SPIRE1: variants seen among roughly 807,000 people sequenced by gnomAD.
SPIRE1 encodes protein spire homolog 1.
In SPIRE1, 40 loss-of-function variants were observed where a neutral mutation model predicts 94.1. That is an observed-to-expected ratio of 0.43 (90% CI 0.33 to 0.55). SPIRE1 has a LOEUF of 0.55. Among genes scored for constraint, SPIRE1 ranks in the 20% least tolerant of loss-of-function variants. SPIRE1 has a pLI of 0.06. For missense variants in SPIRE1, 838 were observed against 975.2 expected (o/e 0.86, Z 1.87); for synonymous variants, 376 against 371.7 (o/e 1.01, Z -0.13).
chr18:12,464,994 G>A (rs4513164), intron 10 of SPIRE1, 36 bp from the exon 11 acceptor site: 1 of 1,580,982 alleles, frequency 6.3e-7, no homozygotes, highest in South Asian at 1.1e-5. Flanking sequence ...CGACTTCTTA[G>A]ACATTTGTGC....
At chr18:12,579,174 G>C (rs1230841238) in intron 2 of SPIRE1, among the ~76,000 whole-genome samples, 2 of 143,626 alleles carry the variant, frequency 1.4e-5, no homozygotes, top group African/African-American at 2.6e-5. Flanking sequence ...TTTCCACTGA[G>C]AGGAAAAAGT....
intron 2 of SPIRE1, among the ~76,000 whole-genome samples, chr18:12,572,417 G>A (rs755145059): frequency 6.6e-6 from 1 of 151,768 alleles, no homozygotes; most frequent in Non-Finnish European, 1.5e-5. Flanking sequence ...TAGGATTACA[G>A]ACATGAGCCA....
intron 1 of SPIRE1, among the ~76,000 whole-genome samples, chr18:12,639,912 C>G (rs552444884): frequency 6.6e-6 from 1 of 151,448 alleles, no homozygotes; most frequent in African/African-American, 2.4e-5. Flanking sequence ...CCTTATGTCC[C>G]AGGAAACAGA....
intron 2 of SPIRE1, among the ~76,000 whole-genome samples, chr18:12,556,038 G>GA (rs1567931033): frequency 6.6e-6 from 1 of 151,094 alleles, no homozygotes; most frequent in Admixed American, 6.6e-5. Context: ...CAAACAAGCT[G>GA]AAAAAGAAAT....
At chr18:12,622,622 C>T (rs2037508223) in intron 2 of SPIRE1, among the ~76,000 whole-genome samples, 1 of 150,468 alleles carries the variant, frequency 6.6e-6, no homozygotes, top group Non-Finnish European at 1.5e-5. Flanking sequence ...CAGGGTTTCA[C>T]TGTGTTAGCC....
At chr18:12,450,379 GGAAA>G (rs1248775590) in intron 16 of SPIRE1, 1 of 365,336 alleles carries the variant, frequency 2.7e-6, no homozygotes, top group Non-Finnish European at 5.0e-6. Context: ...AAAAAGAAAA[GGAAA>G]GAAAGCAGAA....
chr18:12,573,430 C>T (rs2036008947), intron 2 of SPIRE1, among the ~76,000 whole-genome samples: 1 of 152,164 alleles, frequency 6.6e-6, no homozygotes, highest in Non-Finnish European at 1.5e-5. Context: ...CAAAACTAAA[C>T]ACACTATTAC....
upstream of SPIRE1, among the ~76,000 whole-genome samples, chr18:12,659,139 CT>C (rs2038642249): frequency 6.6e-6 from 1 of 152,154 alleles, no homozygotes; most frequent in Non-Finnish European, 1.5e-5. Context: ...TGTGAAAGCC[CT>C]ACAGAGTGTT....
intron 2 of SPIRE1, among the ~76,000 whole-genome samples, chr18:12,561,187 G>C (rs1166474574): frequency 2.0e-5 from 3 of 151,744 alleles, no homozygotes; most frequent in Non-Finnish European, 1.5e-5. Flanking sequence ...GGCTATCTTT[G>C]AATATAGGTG....
At position 12,449,848 on chromosome 18, in the gene SPIRE1, C is replaced by A; in HGVS notation, c.2061G>T (p.Gln687His). The A allele has an allele frequency of 6.2e-7, 1 of 1,614,138 alleles. No homozygotes were observed. The highest frequency in any genetic ancestry group is 1.1e-5 in the South Asian group (1 of 91,076). ...AGTCCTCCATCAACTCTTTGGGAAA[C>A]TGGAGTTCTTCATCTGATTTGTCCA... ...KSMDKSDEELQFPKELMEDWS... is the reference protein window; with the variant it reads ...KSMDKSDEELHFPKELMEDWS... The change falls in exon 17 of 17, where the codon CAG becomes CAT. Residue 687 changes from glutamine (Q) to histidine (H), a missense_variant. Gln to His is a conservative substitution (Grantham distance 24, BLOSUM62 0). Around this residue, in one of 2 missense-constraint regions of SPIRE1, gnomAD observed 645 missense variants for 804.7 expected, o/e 0.80. Coordinates refer to ENST00000409402, the MANE Select transcript of SPIRE1 (RefSeq NM_001128626.2).
chr18:12,626,867 A>AAT lies in SPIRE1; in HGVS notation c.372+8193_372+8194dup, dbSNP rs1555634098. Among the ~76,000 whole-genome samples the AAT allele has an allele frequency of 6.2e-3, 688 of 110,428 alleles. 10 individuals carry two copies. The highest frequency in any genetic ancestry group is 0.04 in the South Asian group (116 of 2,892). 72.4% of individuals were successfully genotyped at this position (110,428 alleles called of 152,430 possible). ...GTACTTGGAATATAGTAAGCTGTAA[A>AAT]ATATATATATATATATATATTTTTT... On this transcript the variant is annotated intron_variant, in intron 2 of 16. Transcript: ENST00000409402.
chr18:12,528,321 C>G (rs1321186463), intron 4 of SPIRE1, among the ~76,000 whole-genome samples: 2 of 152,186 alleles, frequency 1.3e-5, no homozygotes, highest in African/African-American at 4.8e-5. Context: ...AACACAGTGT[C>G]ACTGTTGTAA....
rs758262450 is a variant in SPIRE1 at position 12,479,731 on chromosome 18, T to C, written c.1372A>G (p.Thr458Ala). ...AQRKKLLRAP[T>A]LAELDSSESE... is the part of the protein sequence containing the mutation. ...TCAGAGCTGTCCAGTTCGGCCAGAG[T>C]TGGGGCTCTGAGGAGCTTCTTCCGC... Residue 458 changes from threonine to alanine, a missense_variant, in exon 10 of 17, where the codon ACT becomes GCT. Coordinates refer to ENST00000409402, the MANE Select transcript of SPIRE1 (RefSeq NM_001128626.2). The C allele has an allele frequency of 1.5e-5, 24 of 1,613,592 alleles. No individual in the cohort carries two copies. In the East Asian group the frequency reaches 1.6e-4, roughly 10 times the overall value.
intron 2 of SPIRE1, among the ~76,000 whole-genome samples, chr18:12,590,723 A>G (rs1036086602): frequency 5.3e-5 from 8 of 152,140 alleles, no homozygotes; most frequent in Non-Finnish European, 1.2e-4. Flanking sequence ...GAAGACCCCC[A>G]GGAAGCCACT....
chr18:12,652,251 A>C (rs540895239), intron 1 of SPIRE1, among the ~76,000 whole-genome samples: 1 of 152,298 alleles, frequency 6.6e-6, no homozygotes, highest in Admixed American at 6.5e-5. Context: ...AATGTGCTCT[A>C]ATTGCTAGTC....
At chr18:12,609,883 C>T (rs904951797) in intron 2 of SPIRE1, among the ~76,000 whole-genome samples, 2 of 151,856 alleles carry the variant, frequency 1.3e-5, no homozygotes, top group Non-Finnish European at 2.9e-5. Flanking sequence ...AGTAACGGTT[C>T]CCTAGATCTT....
upstream of SPIRE1, among the ~76,000 whole-genome samples, chr18:12,659,312 C>CTT (rs1448494239): frequency 2.0e-5 from 3 of 152,140 alleles, no homozygotes; most frequent in African/African-American, 7.2e-5. Context: ...GAGATACCAT[C>CTT]TTACATACAG....
At chr18:12,450,728 C>A in intron 16 of SPIRE1, 2 of 662,824 alleles carry the variant, frequency 3.0e-6, no homozygotes, top group South Asian at 1.6e-5. Context: ...CCCGAAAAAG[C>A]CACCGTCTGG....
intron 2 of SPIRE1, among the ~76,000 whole-genome samples, chr18:12,628,704 TTG>T (rs2037697974): frequency 6.6e-6 from 1 of 152,182 alleles, no homozygotes. Flanking sequence ...TTCCATTTGT[TTG>T]TGTCTCTCTC....
Sources: gnomAD v4.1 joint callset for allele counts (sites outside exome capture counted in the v4.1 genomes callset) on GRCh38, gnomAD v4.1.1 for gene constraint, gnomAD v4.1.1 regional missense constraint, MANE v1.5 for transcripts, NCBI Gene and HGNC (gene_info 2026-07-23, HGNC 2026-07-21) for gene names.